Variants in BBS9 observed in about 807,000 individuals in gnomAD.
BBS9 encodes Bardet-Biedl syndrome 9.
In BBS9, 89 loss-of-function variants were observed where a neutral mutation model predicts 117.7. The observed-to-expected ratio is 0.76, with a 90% CI of 0.64 to 0.90. The LOEUF (loss-of-function observed/expected upper bound fraction) is 0.90. Among genes scored for constraint, BBS9 ranks in the 40% least tolerant of loss-of-function variants. The probability of loss-of-function intolerance (pLI) is 0.00; values close to 1 mark genes in which losing one functional copy is unlikely to be tolerated. For missense variants in BBS9, 982 were observed against 1,042.2 expected (o/e 0.94, Z 0.80); for synonymous variants, 379 against 370.9 (o/e 1.02, Z -0.25).
At chr7:33,261,027 T>C (rs758693754) in intron 6 of BBS9, among the ~76,000 whole-genome samples, 12 of 152,202 alleles carry the variant, frequency 7.9e-5, no homozygotes, top group East Asian at 7.7e-4. Context: ...ATGGAAATAT[T>C]TGTAGTCTCC....
In BBS9 at chr7:33,383,681, A is replaced by G. The variant is rs761192913; in HGVS notation, c.1805A>G (p.Gln602Arg). The G allele has an allele frequency of 1.5e-5, 24 of 1,607,754 alleles. No homozygotes were observed. The highest frequency in any genetic ancestry group is 1.8e-5 in the Non-Finnish European group (21 of 1,176,220). Reference sequence around the variant, plus strand: ...TTTCTCTCAGAACGATATCGCATTCAGAGTGAACAATTTGAAGATCTTTGG... The same window carrying G: ...TTTCTCTCAGAACGATATCGCATTCGGAGTGAACAATTTGAAGATCTTTGG... ...ASKTSQRYRI[Q>R]SEQFEDLWLI... is the part of the protein sequence containing the mutation. Residue 602 changes from glutamine (Q) to arginine (R), a missense_variant, in exon 18 of 23, where the codon CAG becomes CGG. By Grantham distance (43) the Gln-to-Arg change is conservative. Coordinates refer to ENST00000242067, the MANE Select transcript of BBS9 (RefSeq NM_198428.3).
chr7:33,407,875 T>G lies in BBS9; in HGVS notation c.2115+19731T>G, dbSNP rs113065984. Among the ~76,000 whole-genome samples, 7 of 152,328 alleles carry G rather than the reference T, an allele frequency of 4.6e-5. 1 individual carries two copies. Among genetic ancestry groups the G allele is most frequent in the East Asian group, 3.9e-4 (2 of 5,174 alleles). ...CTGTGCCTCCCAGTTAGGCTGCTCG[T>G]GGGTCAGGGGTCAGGGACCCACTAG... On this transcript the variant is annotated intron_variant, in intron 19 of 22. Coordinates refer to ENST00000242067, the MANE Select transcript of BBS9 (RefSeq NM_198428.3).
At chr7:33,172,264 C>T (rs887751924) in intron 4 of BBS9, among the ~76,000 whole-genome samples, 4 of 151,982 alleles carry the variant, frequency 2.6e-5, no homozygotes, top group African/African-American at 9.7e-5. Flanking sequence ...GCCTGTAGTC[C>T]CAGCTACTCG....
At chr7:33,138,066 A>G (rs748905372) in intron 1 of BBS9, among the ~76,000 whole-genome samples, 1 of 152,200 alleles carries the variant, frequency 6.6e-6, no homozygotes, top group African/African-American at 2.4e-5. Context: ...CACAAAAATC[A>G]TTCTATCCAC....
intron 12 of BBS9, among the ~76,000 whole-genome samples, chr7:33,346,042 A>T (rs943035490): frequency 2.0e-5 from 3 of 152,168 alleles, no homozygotes; most frequent in African/African-American, 7.2e-5. Context: ...TATATTTGAG[A>T]ATACCTAAGT....
intron 21 of BBS9, among the ~76,000 whole-genome samples, chr7:33,556,571 A>C (rs1855327291): frequency 6.6e-6 from 1 of 152,284 alleles, no homozygotes; most frequent in South Asian, 2.1e-4. Context: ...CTGTCCTGTA[A>C]GTTTATAGCC....
At chr7:33,468,646 C>G (rs1298132400) in intron 19 of BBS9, among the ~76,000 whole-genome samples, 2 of 152,136 alleles carry the variant, frequency 1.3e-5, no homozygotes, top group Non-Finnish European at 2.9e-5. Context: ...TAACCAACCT[C>G]TCTGCCTGCC....
intron 21 of BBS9, among the ~76,000 whole-genome samples, chr7:33,581,215 T>C (rs1310623401): frequency 6.6e-6 from 1 of 152,088 alleles, no homozygotes; most frequent in Non-Finnish European, 1.5e-5. Flanking sequence ...AAAAAGACTA[T>C]AAAATAGGAC....
chr7:33,386,793 C>T (rs1188919013), intron 18 of BBS9, among the ~76,000 whole-genome samples: 4 of 152,110 alleles, frequency 2.6e-5, no homozygotes, highest in African/African-American at 4.8e-5. Flanking sequence ...CGTGCCCGGC[C>T]GCTTTCTTTT....
At chr7:33,289,087 C>T (rs1467171827) in intron 9 of BBS9, among the ~76,000 whole-genome samples, 2 of 152,148 alleles carry the variant, frequency 1.3e-5, no homozygotes, top group Admixed American at 1.3e-4. Flanking sequence ...GATACATTTC[C>T]CTTCTCTAAG....
chr7:33,278,686 G>T (rs1295874477), intron 9 of BBS9, among the ~76,000 whole-genome samples: 3 of 152,006 alleles, frequency 2.0e-5, no homozygotes, highest in African/African-American at 7.3e-5. Context: ...TTAGATCTCT[G>T]CCCTATGGGT....
intron 2 of BBS9, among the ~76,000 whole-genome samples, chr7:33,149,060 A>G (rs745672450): frequency 6.6e-6 from 1 of 152,174 alleles, no homozygotes; most frequent in Non-Finnish European, 1.5e-5. Context: ...GAGACTATTT[A>G]TGGCTCTTTA....
intron 19 of BBS9, among the ~76,000 whole-genome samples, chr7:33,424,477 C>T (rs1833350067): frequency 6.6e-6 from 1 of 152,058 alleles, no homozygotes; most frequent in Admixed American, 6.6e-5. Flanking sequence ...TTAAAAGGTT[C>T]CCTGGTGATT....
intron 2 of BBS9, among the ~76,000 whole-genome samples, chr7:33,148,476 C>T (rs1792772214): frequency 6.6e-6 from 1 of 152,062 alleles, no homozygotes; most frequent in Non-Finnish European, 1.5e-5. Context: ...AATTCTCCTG[C>T]CTTAGCCTCC....
downstream of BBS9, among the ~76,000 whole-genome samples, chr7:33,607,175 G>A (rs567670844): frequency 1.4e-4 from 22 of 152,062 alleles, no homozygotes; most frequent in Non-Finnish European, 2.9e-4. Flanking sequence ...GTAAATATTT[G>A]TTGTATCAAA....
At chr7:33,335,719 A>C (rs1815212554) in intron 9 of BBS9, among the ~76,000 whole-genome samples, 1 of 152,184 alleles carries the variant, frequency 6.6e-6, no homozygotes, top group Non-Finnish European at 1.5e-5. Flanking sequence ...AATAAAAAAG[A>C]TAATGAGGAT....
intron 19 of BBS9, among the ~76,000 whole-genome samples, chr7:33,478,875 G>GTTTTTTTTT (rs10716942): frequency 7.7e-6 from 1 of 130,172 alleles, no homozygotes; most frequent in Non-Finnish European, 1.6e-5. Context: ...ATGTTAGTGG[G>GTTTTTTTTT]TTTTTTTTTT....
chr7:33,202,472 A>G (rs575511849), intron 5 of BBS9, among the ~76,000 whole-genome samples: 1 of 152,206 alleles, frequency 6.6e-6, no homozygotes, highest in Non-Finnish European at 1.5e-5. Flanking sequence ...ACATTGCTAT[A>G]AAGAACTACC....
intron 17 of BBS9, among the ~76,000 whole-genome samples, chr7:33,374,814 T>C (rs1229731859): frequency 6.8e-6 from 1 of 147,180 alleles, no homozygotes; most frequent in East Asian, 2.0e-4. Context: ...AGCAGGAGAA[T>C]CGCTTGAACC....
Sources: allele counts gnomAD v4.1 joint callset (sites outside exome capture counted in the v4.1 genomes callset), GRCh38; gene constraint gnomAD v4.1.1; transcripts MANE v1.5; gene names NCBI Gene and HGNC (gene_info 2026-07-23, HGNC 2026-07-21).